The following MYO9B variants were observed in gnomAD, a reference collection of about 807,000 sequenced individuals.
MYO9B encodes myosin IXB.
A neutral mutation model predicts 229.5 loss-of-function variants in MYO9B; 71 were observed. The ratio of observed to expected loss-of-function variants is 0.31; its 90% CI spans 0.26 to 0.38. The LOEUF is 0.38. Among genes scored for constraint, MYO9B ranks in the 10% least tolerant of loss-of-function variants. The pLI, the probability that MYO9B is intolerant of heterozygous loss-of-function variation, is 1.00. For missense variants in MYO9B, 2,255 were observed against 2,920.5 expected (o/e 0.77, Z 5.25); for synonymous variants, 1,185 against 1,235.8 (o/e 0.96, Z 0.86).
intron 2 of MYO9B, among the ~76,000 whole-genome samples, chr19:17,118,592 C>T (rs920012009): frequency 1.2e-4 from 18 of 152,048 alleles, no homozygotes; most frequent in Admixed American, 1.2e-3. Flanking sequence ...AGTGATTCTC[C>T]TGCCTCAGCC....
chr19:17,183,942 C>A, intron 16 of MYO9B, 74 bp downstream of exon 16: 1 of 1,371,278 alleles, frequency 7.3e-7, no homozygotes, highest in Non-Finnish European at 9.9e-7. Flanking sequence ...AGAGCTTTCA[C>A]TTCTGCAACT....
At chr19:17,197,615 A>G (rs1286196144) in intron 22 of MYO9B, among the ~76,000 whole-genome samples, 177 bp from the exon 23 acceptor site, 1 of 152,054 alleles carries the variant, frequency 6.6e-6, no homozygotes, top group Admixed American at 6.6e-5. Context: ...GGCCAGAAGT[A>G]CCCACCCACT....
chr19:17,125,876 G>A (rs569714023), intron 2 of MYO9B, among the ~76,000 whole-genome samples: 1 of 152,160 alleles, frequency 6.6e-6, no homozygotes, highest in Admixed American at 6.5e-5. Flanking sequence ...CCTCCTCTGC[G>A]AATAGGGGAG....
In MYO9B at chr19:17,102,023, G is replaced by A. The variant is rs1286839006; in HGVS notation, c.306G>A (p.Glu102=). Residue 102 remains glutamate, a synonymous_variant, in exon 2 of 40, where the codon GAG becomes GAA. Coordinates refer to ENST00000682292, the MANE Select transcript of MYO9B (RefSeq NM_004145.4). ...GGGCACAGGACGAGCACCCTCAGGA[G>A]GATGGCTACTACTTCCTGCTGCAGG... ...PRRAQDEHPQ[E]DGYYFLLQER... 1.2e-6 allele frequency: 2 copies of A among 1,612,420 alleles called. No individual in the cohort carries two copies. The highest frequency in any genetic ancestry group is 1.7e-6 in the Non-Finnish European group (2 of 1,179,906).
intron 2 of MYO9B, among the ~76,000 whole-genome samples, chr19:17,141,469 A>T (rs141275911): frequency 0.011 from 1,704 of 152,258 alleles, 18 homozygotes; most frequent in Admixed American, 0.018. Context: ...GGTCACAAGG[A>T]CTGGGACAGT....
At chr19:17,084,352 TA>T (rs2057562029) in intron 1 of MYO9B, among the ~76,000 whole-genome samples, 1 of 151,016 alleles carries the variant, frequency 6.6e-6, no homozygotes, top group African/African-American at 2.4e-5. Flanking sequence ...AAAAAAAAAT[TA>T]TTGGGAATGT....
chr19:17,183,798 G>A (rs1377884410), intron 15 of MYO9B, 31 bp from the exon 16 acceptor site: 1 of 1,542,864 alleles, frequency 6.5e-7, no homozygotes, highest in Non-Finnish European at 8.7e-7. Context: ...TGTTCCTTTT[G>A]TTCACAAAAC....
At chr19:17,209,828 G>C in intron 36 of MYO9B, 119 bp downstream of exon 36, 1 of 1,339,196 alleles carries the variant, frequency 7.5e-7, no homozygotes, top group Non-Finnish European at 1.0e-6. Context: ...TTGGTGGGCG[G>C]GGCCTTGGGT....
intron 8 of MYO9B, among the ~76,000 whole-genome samples, chr19:17,160,674 AT>A (rs1007167076): frequency 1.4e-5 from 2 of 147,086 alleles, no homozygotes; most frequent in Non-Finnish European, 3.0e-5. Context: ...GGCCTGGCTA[AT>A]TTTTTTTGCA....
Position 17,101,625 on chromosome 19 carries a change from A to C in MYO9B, c.-58-35A>C. ...CATGCCCCTTAAACTTCCTCCCACC[A>C]TTCTGACCATGCCTGGCTCTGACCT... On this transcript the variant is annotated intron_variant, in intron 1 of 39. Transcript: ENST00000682292. The surrounding 1 kb of genome is among the most constrained non-coding windows in gnomAD (Gnocchi z 4.7). 1 of 1,451,548 alleles carries C rather than the reference A, an allele frequency of 6.9e-7. No homozygotes were observed. Among genetic ancestry groups the C allele is most frequent in the South Asian group, 1.4e-5 (1 of 70,298 alleles). The allele number at this position is 1,451,548 out of a possible 1,614,324, so 89.9% of individuals were successfully genotyped here.
chr19:17,163,985 G>A lies in MYO9B; in HGVS notation c.1671+863G>A, dbSNP rs141540479. On this transcript the variant is annotated intron_variant, in intron 10 of 39. Transcript: ENST00000682292. ...CAAGACGCTGCTTTCAATTCTTTCGGGTATATACCCAGAAGTGGACTTGCT... is the reference window on the plus strand; with the variant it reads ...CAAGACGCTGCTTTCAATTCTTTCGAGTATATACCCAGAAGTGGACTTGCT... Among the ~76,000 whole-genome samples, 663 of 152,200 alleles carry A rather than the reference G, an allele frequency of 4.4e-3. 2 individuals carry two copies. The highest frequency in any genetic ancestry group is 0.015 in the African/African-American group (612 of 41,530).
intron 2 of MYO9B, among the ~76,000 whole-genome samples, chr19:17,135,136 A>G (rs2072253300): frequency 6.6e-6 from 1 of 152,178 alleles, no homozygotes; most frequent in African/African-American, 2.4e-5. Flanking sequence ...GAATGCAAGC[A>G]TTTCTTCCAC....
At chr19:17,208,914 CCACTCCGGGCTGAGTCCCTCTGGTACTGA>C (rs1256359000) in intron 35 of MYO9B, among the ~76,000 whole-genome samples, 3,699 of 48,730 alleles carry the variant, frequency 0.076, 84 homozygotes, top group African/African-American at 0.2. Context: ...CTGGTACTGG[CCACTCCGGGCTGAGTCCCTCTGGTACTGA>C]CCACTCAGGG....
At chr19:17,197,276 TAA>T (rs34646423) in intron 22 of MYO9B, among the ~76,000 whole-genome samples, 177 of 139,380 alleles carry the variant, frequency 1.3e-3, no homozygotes, top group African/African-American at 2.9e-3. Flanking sequence ...AAACTCCGTC[TAA>T]AAAAAAAAAA....
At position 17,168,096 on chromosome 19, in the gene MYO9B, A is replaced by G. The variant is rs748041387; in HGVS notation, c.1793+32A>G. 6.8e-6 allele frequency: 11 copies of G among 1,609,014 alleles called. No homozygotes were observed. The East Asian group carries it at 8.9e-5, about 13-fold the overall frequency. On this transcript the variant is annotated intron_variant, in intron 11 of 39. Transcript: ENST00000682292. Reference sequence around the variant, plus strand: ...GTCCACACCCCGTCCATCCCGGCACATCTACGCATGGGCACTGGGTCAGGT... The same window carrying G: ...GTCCACACCCCGTCCATCCCGGCACGTCTACGCATGGGCACTGGGTCAGGT...
At chr19:17,159,340 C>A in intron 7 of MYO9B, 55 bp from the exon 8 acceptor site, 1 of 1,477,744 alleles carries the variant, frequency 6.8e-7, no homozygotes, top group East Asian at 2.4e-5. Context: ...CCAGGACATG[C>A]CTGATAAGTC....
At chr19:17,187,893 AGGTCAAGGCCACCTGCC>A in intron 18 of MYO9B, 25 bp from the exon 19 acceptor site, 1 of 1,520,160 alleles carries the variant, frequency 6.6e-7, no homozygotes. Flanking sequence ...GCATCCTGTC[AGGTCAAGGCCACCTGCC>A]TGATGTCTCG....
At chr19:17,199,872 T>G (rs960482073) in intron 24 of MYO9B, among the ~76,000 whole-genome samples, 16 of 142,586 alleles carry the variant, frequency 1.1e-4, no homozygotes, top group African/African-American at 3.7e-4. Context: ...TTGTTTTTTG[T>G]TTTTTTTTTT....
At chr19:17,180,059 C>G (rs1430969392) in intron 14 of MYO9B, among the ~76,000 whole-genome samples, 2 of 151,268 alleles carry the variant, frequency 1.3e-5, no homozygotes, top group African/African-American at 4.9e-5. Context: ...ATGATGAAAC[C>G]CCATCTCTAC....
Sources: gnomAD v4.1 joint callset for allele counts (sites outside exome capture counted in the v4.1 genomes callset) on GRCh38, gnomAD v4.1.1 for gene constraint, Gnocchi (gnomAD v3.1) non-coding constraint, MANE v1.5 for transcripts, NCBI Gene and HGNC (gene_info 2026-07-23, HGNC 2026-07-21) for gene names.